Variants in SASH1 observed in about 807,000 individuals in gnomAD.
The protein encoded by SASH1 is SAM and SH3 domain-containing protein 1.
Under a neutral mutation model 125.2 loss-of-function variants are expected in SASH1, and 44 were observed. The observed-to-expected ratio is 0.35, with a 90% confidence interval of 0.28 to 0.45. The LOEUF is 0.45. Among genes scored for constraint, SASH1 ranks in the 20% least tolerant of loss-of-function variants. The probability of loss-of-function intolerance (pLI) is 1.00; values close to 1 mark genes in which losing one functional copy is unlikely to be tolerated. For missense variants in SASH1, 1,426 were observed against 1,614.5 expected, an observed-to-expected ratio of 0.88 and a Z score of 2.00; for synonymous variants, 639 against 649.1, an observed-to-expected ratio of 0.98 and a Z score of 0.24.
At chr6:148,370,259 C>G (rs1782658555) in intron 1 of SASH1, among the ~76,000 whole-genome samples, 1 of 152,062 alleles carries the variant, frequency 6.6e-6, no homozygotes, top group African/African-American at 2.4e-5. Context: ...CAAGACAACT[C>G]TAAAAAACAA....
chr6:148,387,580 CTTTCTTTCTTTCTTTCT>C (rs1783452184), intron 1 of SASH1, among the ~76,000 whole-genome samples: 1 of 5,958 alleles, frequency 1.7e-4, no homozygotes, highest in South Asian at 0.01. Context: ...TTCTTTCTTT[CTTTCTTTCTTTCTTTCT>C]TTCTTTCTTT....
At chr6:148,537,662 G>T (rs567455813) in intron 16 of SASH1, among the ~76,000 whole-genome samples, 34 of 152,276 alleles carry the variant, frequency 2.2e-4, no homozygotes, top group African/African-American at 8.2e-4. Context: ...TGCTTTCAAA[G>T]AATCCCATTC....
intron 8 of SASH1, among the ~76,000 whole-genome samples, chr6:148,496,599 T>C (rs901986034): frequency 3.3e-5 from 5 of 152,266 alleles, no homozygotes; most frequent in African/African-American, 1.2e-4. Flanking sequence ...ATGTTAAAAT[T>C]AACTTTTATT....
chr6:148,382,836 A>G (rs1783199544), intron 1 of SASH1, among the ~76,000 whole-genome samples: 1 of 152,152 alleles, frequency 6.6e-6, no homozygotes, highest in African/African-American at 2.4e-5. Flanking sequence ...GAGGGGATGG[A>G]AGGTATGAAA....
intron 9 of SASH1, among the ~76,000 whole-genome samples, chr6:148,517,526 C>T (rs1434530992): frequency 6.6e-6 from 1 of 152,150 alleles, no homozygotes; most frequent in African/African-American, 2.4e-5. Context: ...AAGCGATGCT[C>T]CAAGTTCAAG....
At chr6:148,397,426 A>G (rs1036017575) in intron 2 of SASH1, among the ~76,000 whole-genome samples, 8 of 152,164 alleles carry the variant, frequency 5.3e-5, no homozygotes, top group Admixed American at 5.2e-4. Flanking sequence ...TGGAGGTTGC[A>G]GTGAGCCGAG....
intron 1 of SASH1, among the ~76,000 whole-genome samples, chr6:148,273,803 G>C (rs1779120658): frequency 6.6e-6 from 1 of 152,198 alleles, no homozygotes; most frequent in Non-Finnish European, 1.5e-5. Context: ...CTGGAAGGCT[G>C]CTTTGCTCAC....
intron 4 of SASH1, 23 bp downstream of exon 4, chr6:148,440,430 A>G (rs1264596243): frequency 1.2e-6 from 2 of 1,609,494 alleles, no homozygotes; most frequent in Non-Finnish European, 1.7e-6. Flanking sequence ...CCCTCTGCCC[A>G]GGACCACCTT....
At chr6:148,289,168 C>T (rs1210807881) in intron 1 of SASH1, among the ~76,000 whole-genome samples, 1 of 152,154 alleles carries the variant, frequency 6.6e-6, no homozygotes, top group Non-Finnish European at 1.5e-5. Context: ...AGCACTAAAA[C>T]ACAACATCAG....
chr6:148,426,652 G>A (rs934427932), intron 2 of SASH1, among the ~76,000 whole-genome samples: 2 of 152,146 alleles, frequency 1.3e-5, no homozygotes, highest in Admixed American at 1.3e-4. Flanking sequence ...GAAGTGGTGC[G>A]TGTCTGTTTC....
chr6:148,450,602 A>G (rs989843328), intron 4 of SASH1, among the ~76,000 whole-genome samples: 4 of 151,564 alleles, frequency 2.6e-5, no homozygotes, highest in Non-Finnish European at 5.9e-5. Context: ...CACGTATCAT[A>G]TCATCATTGT....
intron 1 of SASH1, among the ~76,000 whole-genome samples, chr6:148,378,516 C>T (rs1215047031): frequency 3.9e-5 from 6 of 152,112 alleles, no homozygotes; most frequent in Admixed American, 1.3e-4. Context: ...CATCATGCCC[C>T]GCTAATTTTT....
At chr6:148,522,814 A>G (rs1780900296) in intron 10 of SASH1, among the ~76,000 whole-genome samples, 1 of 152,182 alleles carries the variant, frequency 6.6e-6, no homozygotes, top group South Asian at 2.1e-4. Flanking sequence ...TCATGTATTG[A>G]TTTATTTTTT....
intron 10 of SASH1, 42 bp from the exon 11 acceptor site, chr6:148,525,249 A>G (rs746205923): frequency 6.5e-7 from 1 of 1,533,392 alleles, no homozygotes; most frequent in Admixed American, 1.7e-5. Context: ...CGGCTGGCTT[A>G]AGCATAACTG....
the SASH1 span, among the ~76,000 whole-genome samples, chr6:148,241,201 C>A: frequency 6.6e-6 from 1 of 152,028 alleles, no homozygotes; most frequent in Non-Finnish European, 1.5e-5. Flanking sequence ...TATTTATTTG[C>A]GGGTTTGAGA....
chr6:148,343,284 C>CG, intron 1 of SASH1, 61 bp downstream of exon 1: 1 of 1,491,404 alleles, frequency 6.7e-7, no homozygotes, highest in South Asian at 1.2e-5. Flanking sequence ...CCTCTGAAAC[C>CG]GGGGGCTCCC....
chr6:148,358,916 TAG>T, intron 1 of SASH1, among the ~76,000 whole-genome samples: 1 of 151,852 alleles, frequency 6.6e-6, no homozygotes. Context: ...TTTGTATTTT[TAG>T]TAGAGACGGG....
intron 1 of SASH1, among the ~76,000 whole-genome samples, chr6:148,298,859 AGGAG>A (rs1194135772): frequency 1.2e-4 from 14 of 113,302 alleles, no homozygotes; most frequent in South Asian, 1.1e-3. Flanking sequence ...AAGGAAGGGA[AGGAG>A]GGAGGGAAGT....
At chr6:148,199,111 G>A in the SASH1 span, among the ~76,000 whole-genome samples, 5 of 152,206 alleles carry the variant, frequency 3.3e-5, no homozygotes, top group African/African-American at 4.8e-5. Flanking sequence ...GCCAGTCGTG[G>A]TGGCTCACAC....
Sources: gnomAD v4.1 joint callset for allele counts (sites outside exome capture counted in the v4.1 genomes callset) on GRCh38, gnomAD v4.1.1 for gene constraint, MANE v1.5 for transcripts, NCBI Gene and HGNC (gene_info 2026-07-23, HGNC 2026-07-21) for gene names.